Variants in DNER observed in about 807,000 individuals in gnomAD.
The protein encoded by DNER is delta/notch like EGF repeat containing.
DNER carries 33 observed loss-of-function variants against 78.2 expected under a neutral mutation model. The observed-to-expected ratio is 0.42, with a 90% confidence interval of 0.32 to 0.56. DNER has a LOEUF of 0.56. Among genes scored for constraint, DNER ranks in the 20% least tolerant of loss-of-function variants. The pLI is 0.11. For missense variants in DNER, 918 were observed against 975.3 expected, an observed-to-expected ratio of 0.94 and a Z score of 0.78; for synonymous variants, 417 against 384.8, an observed-to-expected ratio of 1.08 and a Z score of -0.98.
At chr2:229,470,659 G>A (rs1574857689) in intron 7 of DNER, among the ~76,000 whole-genome samples, 2 of 152,256 alleles carry the variant, frequency 1.3e-5, no homozygotes, top group Non-Finnish European at 2.9e-5. Context: ...AGACCAGCCT[G>A]GCCAACATGG....
chr2:229,685,383 A>ACTCATACTCTGAATTTG (rs1553552388), intron 1 of DNER, among the ~76,000 whole-genome samples: 1 of 152,250 alleles, frequency 6.6e-6, no homozygotes, highest in African/African-American at 2.4e-5. Flanking sequence ...ACTAATTTGA[A>ACTCATACTCTGAATTTG]TAAAAATATG....
At chr2:229,566,225 T>C (rs1163599515) in intron 4 of DNER, among the ~76,000 whole-genome samples, 1 of 152,158 alleles carries the variant, frequency 6.6e-6, no homozygotes, top group African/African-American at 2.4e-5. Flanking sequence ...ATTGCAAGCA[T>C]TGTGAACATG....
At chr2:229,625,578 T>G (rs1377373545) in intron 1 of DNER, among the ~76,000 whole-genome samples, 3 of 152,132 alleles carry the variant, frequency 2.0e-5, no homozygotes, top group Non-Finnish European at 4.4e-5. Flanking sequence ...CTAGGTAGGA[T>G]TTAAGCTCTA....
At chr2:229,491,576 G>C (rs1695400645) in intron 6 of DNER, among the ~76,000 whole-genome samples, 1 of 152,176 alleles carries the variant, frequency 6.6e-6, no homozygotes, top group South Asian at 2.1e-4. Flanking sequence ...TAGTCACACT[G>C]TTTACAAGCT....
At chr2:229,577,078 CCT>C (rs1293277275) in intron 4 of DNER, among the ~76,000 whole-genome samples, 2 of 152,044 alleles carry the variant, frequency 1.3e-5, no homozygotes, top group Non-Finnish European at 2.9e-5. Context: ...GGACTTTATG[CCT>C]AAGGAAATCA....
chr2:229,522,173 C>T (rs1696112255), intron 5 of DNER, among the ~76,000 whole-genome samples: 1 of 152,136 alleles, frequency 6.6e-6, no homozygotes, highest in South Asian at 2.1e-4. Context: ...TCTTTCCTTC[C>T]AAGGACATTG....
At chr2:229,497,247 A>C (rs201321426) in intron 6 of DNER, among the ~76,000 whole-genome samples, 1 of 152,192 alleles carries the variant, frequency 6.6e-6, no homozygotes, top group East Asian at 1.9e-4. Context: ...AAATATCTTG[A>C]AACAAACAAA....
At chr2:229,595,794 C>T (rs1697702635) in intron 1 of DNER, among the ~76,000 whole-genome samples, 1 of 152,224 alleles carries the variant, frequency 6.6e-6, no homozygotes, top group Admixed American at 6.5e-5. Flanking sequence ...TGCTCCTGAG[C>T]CACCTTTGAG....
chr2:229,713,514 T>C (rs1699941090), intron 1 of DNER, among the ~76,000 whole-genome samples: 1 of 152,094 alleles, frequency 6.6e-6, no homozygotes, highest in African/African-American at 2.4e-5. Flanking sequence ...CAATGCCCCC[T>C]CGAATGCCTC....
intron 1 of DNER, among the ~76,000 whole-genome samples, chr2:229,620,466 C>T (rs1364894305): frequency 6.6e-6 from 1 of 152,234 alleles, no homozygotes; most frequent in East Asian, 1.9e-4. Flanking sequence ...CTTCAGCCAT[C>T]ATCACTCCTT....
At chr2:229,558,130 G>T (rs1156492106) in intron 4 of DNER, among the ~76,000 whole-genome samples, 1 of 152,162 alleles carries the variant, frequency 6.6e-6, no homozygotes, top group African/African-American at 2.4e-5. Flanking sequence ...CACAAGAACA[G>T]AAAGCCAAAC....
intron 5 of DNER, among the ~76,000 whole-genome samples, chr2:229,543,698 C>G (rs114947712): frequency 0.012 from 1,794 of 152,078 alleles, 35 homozygotes; most frequent in Middle Eastern, 0.048. Context: ...CCTCCTCCAC[C>G]CCCTGCCAGT....
chr2:229,586,432 C>CCACG (rs1697496848), intron 3 of DNER, among the ~76,000 whole-genome samples: 1 of 111,496 alleles, frequency 9.0e-6, no homozygotes, highest in Non-Finnish European at 1.8e-5. Flanking sequence ...CACCCCCCAC[C>CCACG]CACCCACCCA....
chr2:229,439,893 GCTAACTC>G (rs1694197283), intron 8 of DNER, among the ~76,000 whole-genome samples: 1 of 152,174 alleles, frequency 6.6e-6, no homozygotes, highest in African/African-American at 2.4e-5. Flanking sequence ...CACAGACTCT[GCTAACTC>G]CTATTTTTAG....
intron 1 of DNER, among the ~76,000 whole-genome samples, chr2:229,694,431 G>A (rs936604363): frequency 3.3e-5 from 5 of 150,144 alleles, no homozygotes; most frequent in African/African-American, 7.4e-5. Context: ...CTTGTACCAC[G>A]TGCCTGGAAA....
rs149845565 is a variant in DNER at position 229,613,688 on chromosome 2, T to G, written c.277-21800A>C. On this transcript the variant is annotated intron_variant, in intron 1 of 12. Coordinates refer to ENST00000341772, the MANE Select transcript of DNER (RefSeq NM_139072.4). ...CTGGGTATTTTTTTTTTCTTTACTT[T>G]AAAGGAAAGACGTTACTTTTACTTT... Among the ~76,000 whole-genome samples, 18 of 152,216 alleles carry G rather than the reference T, an allele frequency of 1.2e-4. No homozygotes were observed. In the East Asian group the frequency reaches 3.5e-3, roughly 29 times the overall value.
intron 4 of DNER, among the ~76,000 whole-genome samples, chr2:229,548,707 C>T (rs1049887343): frequency 1.3e-5 from 2 of 151,886 alleles, no homozygotes; most frequent in Non-Finnish European, 2.9e-5. Flanking sequence ...CCAAACTGCA[C>T]GTTCTGCACA....
In DNER at chr2:229,554,662, C is replaced by A. The variant is rs144924086; in HGVS notation, c.848-7570G>T. ...TGAGATCGTGCCACTTCATTCCAGC[C>A]TGGGTGACGGAGTAAGGCTCTGTCT... On this transcript the variant is annotated intron_variant, in intron 4 of 12. Coordinates refer to ENST00000341772, the MANE Select transcript of DNER (RefSeq NM_139072.4). Among the ~76,000 whole-genome samples the A allele has an allele frequency of 2.3e-3, 349 of 152,122 alleles. 3 individuals carry two copies. Among genetic ancestry groups the A allele is most frequent in the Non-Finnish European group, 3.8e-3 (257 of 67,996 alleles).
At chr2:229,586,508 TAAAAAAA>T (rs555047737) in intron 3 of DNER, among the ~76,000 whole-genome samples, 5 of 13,490 alleles carry the variant, frequency 3.7e-4, no homozygotes, top group Admixed American at 1.6e-3. Context: ...TCATTTTTGG[TAAAAAAA>T]AAAAAAAAAA....
Sources: gnomAD v4.1 joint callset for allele counts (sites outside exome capture counted in the v4.1 genomes callset) on GRCh38, gnomAD v4.1.1 for gene constraint, MANE v1.5 for transcripts, NCBI Gene and HGNC (gene_info 2026-07-23, HGNC 2026-07-21) for gene names.